The following ACACA variants were observed in gnomAD, a reference collection of about 807,000 sequenced individuals.
The protein encoded by ACACA is acetyl-CoA carboxylase alpha, also known as acetyl-CoA carboxylase 1.
A neutral mutation model predicts 296.1 loss-of-function variants in ACACA; 103 were observed. The ratio of observed to expected loss-of-function variants is 0.35; its 90% CI spans 0.30 to 0.41. ACACA has a LOEUF of 0.41. ACACA is among the 10% of genes least tolerant of loss of function. The probability of loss-of-function intolerance (pLI) is 1.00; values close to 1 mark genes in which losing one functional copy is unlikely to be tolerated. For missense variants in ACACA, 1,554 were observed against 2,989.7 expected (o/e 0.52, Z 11.20); for synonymous variants, 953 against 1,038.6 (o/e 0.92, Z 1.58).
intron 41 of ACACA, among the ~76,000 whole-genome samples, chr17:37,174,016 A>ATTTTTTTTT (rs1336673580): frequency 3.3e-4 from 5 of 15,032 alleles, no homozygotes; most frequent in African/African-American, 5.6e-4. Context: ...ATATATATAT[A>ATTTTTTTTT]TATATTTTTT....
intron 47 of ACACA, among the ~76,000 whole-genome samples, chr17:37,128,360 A>C (rs2074927861): frequency 6.6e-6 from 1 of 152,222 alleles, no homozygotes; most frequent in Non-Finnish European, 1.5e-5. Context: ...AGTGCTTTAC[A>C]GTCCCACCTG....
intron 9 of ACACA, among the ~76,000 whole-genome samples, chr17:37,272,546 A>T (rs187160058): frequency 5.6e-4 from 85 of 151,944 alleles, no homozygotes; most frequent in African/African-American, 2.0e-3. Context: ...GAGATAGCTT[A>T]AAAAAAAGAG....
chr17:37,126,733 G>T (rs985123037), intron 47 of ACACA, among the ~76,000 whole-genome samples: 1 of 152,156 alleles, frequency 6.6e-6, no homozygotes, highest in African/African-American at 2.4e-5. Flanking sequence ...GTTTTATCTA[G>T]ACTAAACTTG....
At chr17:37,380,594 C>CT (rs1346687181) in intron 1 of ACACA, among the ~76,000 whole-genome samples, 5 of 150,788 alleles carry the variant, frequency 3.3e-5, no homozygotes, top group Admixed American at 6.6e-5. Flanking sequence ...TTTAAAATTT[C>CT]TTTTTTTTTG....
chr17:37,087,725 A>G (rs531184702), intron 55 of ACACA, among the ~76,000 whole-genome samples: 12 of 152,256 alleles, frequency 7.9e-5, no homozygotes, highest in Non-Finnish European at 1.6e-4. Flanking sequence ...TTGGGGCATC[A>G]AAAGCAGCCC....
At chr17:37,291,232 A>G (rs889706796) in intron 3 of ACACA, among the ~76,000 whole-genome samples, 7 of 149,960 alleles carry the variant, frequency 4.7e-5, no homozygotes, top group Non-Finnish European at 8.8e-5. Flanking sequence ...CTGGAGTACA[A>G]TGGTGCAATC....
At chr17:37,202,573 A>G (rs2078296159) in intron 33 of ACACA, among the ~76,000 whole-genome samples, 1 of 151,160 alleles carries the variant, frequency 6.6e-6, no homozygotes, top group Admixed American at 6.6e-5. Context: ...AACTTTTTCT[A>G]AACTGCTAGG....
intron 30 of ACACA, among the ~76,000 whole-genome samples, chr17:37,208,233 A>G (rs2078595779): frequency 6.6e-6 from 1 of 152,190 alleles, no homozygotes; most frequent in Non-Finnish European, 1.5e-5. Context: ...GTTTTCTAGG[A>G]ACTGTAATAG....
chr17:37,166,786 T>C (rs1407076797), intron 41 of ACACA, among the ~76,000 whole-genome samples: 1 of 152,206 alleles, frequency 6.6e-6, no homozygotes, highest in African/African-American at 2.4e-5. Flanking sequence ...TCTGGAGGTA[T>C]TGTTGTGAGC....
intron 39 of ACACA, among the ~76,000 whole-genome samples, chr17:37,184,117 G>A (rs1598099612): frequency 6.6e-6 from 1 of 152,076 alleles, no homozygotes; most frequent in South Asian, 2.1e-4. Context: ...CTCCCAAAGT[G>A]CTGGGATTAC....
chr17:37,400,277 G>A (rs895998514), intron 1 of ACACA, among the ~76,000 whole-genome samples: 6 of 151,940 alleles, frequency 3.9e-5, no homozygotes, highest in African/African-American at 1.5e-4. Flanking sequence ...GCACCACCAC[G>A]CCTGGCTAAT....
At chr17:37,327,753 G>C (rs2047686554) in intron 3 of ACACA, among the ~76,000 whole-genome samples, 1 of 152,216 alleles carries the variant, frequency 6.6e-6, no homozygotes, top group South Asian at 2.1e-4. Flanking sequence ...TGGATTTAGA[G>C]TTAAACCAGT....
Position 37,113,590 on chromosome 17 carries a change from G to A in ACACA, c.6275-325C>T, listed in dbSNP as rs535896459. On this transcript the variant is annotated intron_variant, in intron 50 of 55. Coordinates refer to ENST00000616317, the MANE Select transcript of ACACA (RefSeq NM_198834.3). The surrounding 1 kb of genome is among the most constrained non-coding windows in gnomAD (Gnocchi z 4.0). ...ATTAATTCACATTTGCTCTACAAACGTTGAGTATTTTTCATGTCAATATGT... is the reference window on the plus strand; with the variant it reads ...ATTAATTCACATTTGCTCTACAAACATTGAGTATTTTTCATGTCAATATGT... Among the ~76,000 whole-genome samples, 18 of 152,224 alleles carry A rather than the reference G, an allele frequency of 1.2e-4. No homozygotes were observed. Among genetic ancestry groups the A allele is most frequent in the Non-Finnish European group, 2.6e-4 (18 of 68,012 alleles).
chr17:37,208,694 T>A (rs181655906), intron 30 of ACACA, among the ~76,000 whole-genome samples: 39 of 152,310 alleles, frequency 2.6e-4, no homozygotes, highest in African/African-American at 9.4e-4. Flanking sequence ...TCTCTATATT[T>A]CTTGATGTAC....
rs200931323 is a variant in ACACA at position 37,384,440 on chromosome 17, TATC to T, written c.38+21819_38+21821del. Reference sequence around the variant, plus strand: ...CTTTTTCCCCCTCTTTCAATCATAATATCATTCAGTTTGCAAAGTGTTTACACA... The same window carrying T: ...CTTTTTCCCCCTCTTTCAATCATAATATTCAGTTTGCAAAGTGTTTACACA... On this transcript the variant is annotated intron_variant, in intron 1 of 55. Coordinates refer to ENST00000616317, the MANE Select transcript of ACACA (RefSeq NM_198834.3). 3.0e-4 allele frequency among the ~76,000 whole-genome samples: 46 copies of T among 152,348 alleles called. No homozygotes were observed. In the East Asian group the frequency reaches 8.3e-3, roughly 27 times the overall value.
intron 29 of ACACA, among the ~76,000 whole-genome samples, chr17:37,216,595 C>T (rs1598207754): frequency 6.6e-6 from 1 of 151,330 alleles, no homozygotes; most frequent in East Asian, 1.9e-4. Context: ...ACAGAGTAAC[C>T]GCAACATGTC....
intron 48 of ACACA, 120 bp downstream of exon 48, chr17:37,125,578 A>G: frequency 2.0e-6 from 2 of 1,021,210 alleles, no homozygotes; most frequent in Admixed American, 4.1e-5. Flanking sequence ...CTATAATCCA[A>G]TATTCTCAGA....
intron 50 of ACACA, among the ~76,000 whole-genome samples, chr17:37,115,563 C>T (rs1456638641): frequency 6.6e-6 from 1 of 152,112 alleles, no homozygotes; most frequent in Non-Finnish European, 1.5e-5. Context: ...TTACTCACTT[C>T]TTCTTGTTAA....
rs76077862 is a variant in ACACA at position 37,130,873 on chromosome 17, T to G, written c.5680-655A>C. On this transcript the variant is annotated intron_variant, in intron 45 of 55. Transcript: ENST00000616317. ...CTCTGGGGGCTTAGGTTCCTCATTT[T>G]TAAAAAGGATTATTTTTTTCCTTAT... is the stretch of plus-strand genomic sequence containing the variant. Among the ~76,000 whole-genome samples the G allele has an allele frequency of 7.5e-3, 1,080 of 143,312 alleles. 5 individuals carry two copies. The highest frequency in any genetic ancestry group is 0.025 in the African/African-American group (946 of 37,336). 94.0% of individuals were successfully genotyped at this position (143,312 alleles called of 152,430 possible).
Sources: allele counts gnomAD v4.1 joint callset (sites outside exome capture counted in the v4.1 genomes callset), GRCh38; gene constraint gnomAD v4.1.1; non-coding constraint Gnocchi (gnomAD v3.1); transcripts MANE v1.5; gene names NCBI Gene and HGNC (gene_info 2026-07-23, HGNC 2026-07-21).